Variants in CEP43 observed in about 807,000 individuals in gnomAD.
CEP43 encodes FGFR1 oncogene partner.
A neutral mutation model predicts 52.6 loss-of-function variants in CEP43; 36 were observed. The observed-to-expected ratio is 0.68, with a 90% CI of 0.52 to 0.90. The LOEUF is 0.90. Ranked by LOEUF, CEP43 falls within the 40% of genes least tolerant of loss-of-function variation. The pLI is 0.00. For missense variants in CEP43, 506 were observed against 472.8 expected (o/e 1.07, Z -0.65); for synonymous variants, 192 against 172.4 (o/e 1.11, Z -0.89).
chr6:167,026,677 G>A (rs1384835804), intron 10 of CEP43, 62 bp downstream of exon 10: 3 of 1,036,848 alleles, frequency 2.9e-6, no homozygotes, highest in Non-Finnish European at 1.5e-6. Context: ...GGGTAAGGCT[G>A]TAAAAGAAGT....
intron 7 of CEP43, among the ~76,000 whole-genome samples, chr6:167,016,958 AT>A (rs1780113503): frequency 6.6e-6 from 1 of 151,872 alleles, no homozygotes; most frequent in Middle Eastern, 3.4e-3. Flanking sequence ...GTTATAAAAA[AT>A]AATAATACAA....
rs185255545 is a variant in CEP43 at position 167,032,684 on chromosome 6, T to G, written c.1028+42T>G. 2.7e-6 allele frequency: 4 copies of G among 1,479,886 alleles called. No individual in the cohort carries two copies. The African/African-American group carries it at 5.6e-5, about 21-fold the overall frequency. 91.7% of individuals were successfully genotyped at this position (1,479,886 alleles called of 1,614,324 possible). A position where few individuals can be genotyped will look rare whatever the true frequency, so the allele number is the denominator to read the frequency against. On this transcript the variant is annotated intron_variant, in intron 11 of 12. Transcript: ENST00000366847. Reference sequence around the variant, plus strand: ...GGCAAATATATAAATATATACGTTATTTGTAAACAATTTCCGAACACAGAC... The same window carrying G: ...GGCAAATATATAAATATATACGTTAGTTGTAAACAATTTCCGAACACAGAC...
At chr6:167,022,135 G>A (rs1348934438) in intron 7 of CEP43, among the ~76,000 whole-genome samples, 1 of 151,980 alleles carries the variant, frequency 6.6e-6, no homozygotes, top group Non-Finnish European at 1.5e-5. Flanking sequence ...AAGAGGAAAG[G>A]AATGGTATTA....
intron 7 of CEP43, among the ~76,000 whole-genome samples, chr6:167,018,557 A>C (rs965983362): frequency 2.0e-5 from 3 of 152,014 alleles, no homozygotes; most frequent in Non-Finnish European, 2.9e-5. Flanking sequence ...CACCCAGCTA[A>C]TTTTTGTATT....
intron 7 of CEP43, among the ~76,000 whole-genome samples, chr6:167,020,562 C>A (rs1183105710): frequency 6.6e-6 from 1 of 152,118 alleles, no homozygotes; most frequent in Non-Finnish European, 1.5e-5. Context: ...AAATATGAAT[C>A]TAGTTCAATT....
chr6:167,019,056 C>A (rs971636440), intron 7 of CEP43, among the ~76,000 whole-genome samples: 1 of 152,204 alleles, frequency 6.6e-6, no homozygotes, highest in Admixed American at 6.5e-5. Context: ...TGAGCCACGG[C>A]TTCCAGTCAG....
At chr6:167,017,460 A>G (rs1780128826) in intron 7 of CEP43, among the ~76,000 whole-genome samples, 1 of 152,156 alleles carries the variant, frequency 6.6e-6, no homozygotes, top group Non-Finnish European at 1.5e-5. Flanking sequence ...GCATCCTCGG[A>G]CTTTGGTGTC....
chr6:167,019,154 G>C (rs1430951570), intron 7 of CEP43, among the ~76,000 whole-genome samples: 2 of 152,192 alleles, frequency 1.3e-5, no homozygotes, highest in African/African-American at 4.8e-5. Flanking sequence ...TGTTTATGAA[G>C]TGCCCGTTTT....
chr6:167,018,563 G>A lies in CEP43; in HGVS notation c.580-3846G>A, dbSNP rs149699848. On this transcript the variant is annotated intron_variant, in intron 7 of 12. Coordinates refer to ENST00000366847, the MANE Select transcript of CEP43 (RefSeq NM_007045.4). ...GTGCCACCACACCCAGCTAATTTTT[G>A]TATTTTTAGTAGAGACGGGGTTCCA... Among the ~76,000 whole-genome samples the A allele has an allele frequency of 6.8e-3, 1,034 of 152,218 alleles. 6 individuals carry two copies. Among genetic ancestry groups the A allele is most frequent in the Admixed American group, 0.011 (171 of 15,286 alleles).
intron 5 of CEP43, among the ~76,000 whole-genome samples, chr6:167,009,780 G>A (rs528807425): frequency 6.6e-6 from 1 of 151,952 alleles, no homozygotes; most frequent in East Asian, 1.9e-4. Context: ...AGATTGCAGT[G>A]AGCCGAGATC....
chr6:167,016,432 T>C (rs1272669182), intron 7 of CEP43, among the ~76,000 whole-genome samples: 4 of 152,152 alleles, frequency 2.6e-5, no homozygotes, highest in Non-Finnish European at 4.4e-5. Flanking sequence ...TTTTAAAAAA[T>C]GTTTTCATGT....
At chr6:167,015,704 GCTCA>G (rs1396258280) in intron 7 of CEP43, among the ~76,000 whole-genome samples, 1 of 152,094 alleles carries the variant, frequency 6.6e-6, no homozygotes, top group African/African-American at 2.4e-5. Context: ...AGTACTAGTG[GCTCA>G]CTCAGAGACC....
chr6:167,017,814 C>T (rs1253363940), intron 7 of CEP43, among the ~76,000 whole-genome samples: 4 of 152,140 alleles, frequency 2.6e-5, no homozygotes, highest in Non-Finnish European at 5.9e-5. Context: ...TAGTCTTGAG[C>T]TCCAGCCAAG....
At position 167,033,925 on chromosome 6, in the gene CEP43, A is replaced by T. The variant is rs751580169; in HGVS notation, c.1079A>T (p.Glu360Val). The change falls in exon 12 of 13, where the codon GAA (glutamate) becomes GTA (valine). Residue 360 changes from glutamate to valine, a missense_variant. Physicochemically the swap from Glu to Val is moderately radical, Grantham distance 121. Coordinates refer to ENST00000366847, the MANE Select transcript of CEP43 (RefSeq NM_007045.4). The part of the protein sequence containing the change: ...KSEISIGEEI[E>V]EDLSVEIDDI... ...GAGATAAGTATTGGTGAAGAGATAG[A>T]AGAAGACCTTTCTGTGGAAATAGAT... 3.1e-6 allele frequency: 5 copies of T among 1,603,114 alleles called. No homozygotes were observed. The highest frequency in any genetic ancestry group is 4.3e-6 in the Non-Finnish European group (5 of 1,172,554).
rs1380768938 is a variant in CEP43, at chr6:167,003,637, A to C, written c.212-86A>C. 4 of 750,280 alleles carry C rather than the reference A, an allele frequency of 5.3e-6. No homozygotes were observed. The Admixed American group carries it at 1.0e-4, about 19-fold the overall frequency. 46.5% of individuals were successfully genotyped at this position (750,280 alleles called of 1,614,324 possible). ...AAAATTTAGAAACCTTTCTTCCATT[A>C]ATTTAGTGTATCTATTTCATAATGT... is the stretch of plus-strand genomic sequence containing the variant. On this transcript the variant is annotated intron_variant, in intron 3 of 12. Transcript: ENST00000366847.
intron 7 of CEP43, among the ~76,000 whole-genome samples, chr6:167,018,486 G>C (rs561393747): frequency 6.6e-6 from 1 of 152,180 alleles, no homozygotes; most frequent in African/African-American, 2.4e-5. Context: ...CAACTTCCTG[G>C]TTCAAGCGAT....
rs778855080 is a variant in CEP43, at chr6:167,024,837, C to G, written c.862C>G (p.Pro288Ala). 1 of 1,612,776 alleles carries G rather than the reference C, an allele frequency of 6.2e-7. No homozygotes were observed. The highest frequency in any genetic ancestry group is 2.2e-5 in the East Asian group (1 of 44,884). Residue 288 changes from proline to alanine, a missense_variant, in exon 9 of 13, where the codon CCC (proline) becomes GCC (alanine). Transcript: ENST00000366847. ...TCTGGCCTCGCTCTCGGATGCACCC[C>G]CCTTAAAAAGTGGACTCAGCTCCCT... ...GSLASLSDAP[P>A]LKSGLSSLAG...
chr6:167,039,136 C>CT lies in CEP43; in HGVS notation c.1126-757dup, dbSNP rs1166780888. Among the ~76,000 whole-genome samples the CT allele has an allele frequency of 3.1e-3, 455 of 147,716 alleles. 3 individuals carry two copies. Among genetic ancestry groups the CT allele is most frequent in the African/African-American group, 8.9e-3 (359 of 40,558 alleles). On this transcript the variant is annotated intron_variant, in intron 12 of 12. Transcript: ENST00000366847. ...TGCTGCAAATTCCATTATTTTGTTA[C>CT]TTTTTTTTTTTGAGTCGGAGTCTCG... is the stretch of plus-strand genomic sequence containing the variant.
chr6:167,018,414 G>A (rs971129421), intron 7 of CEP43, among the ~76,000 whole-genome samples: 10 of 151,648 alleles, frequency 6.6e-5, no homozygotes, highest in African/African-American at 1.5e-4. Context: ...TTTTTGAGAC[G>A]GATTCTCGCT....
Sources: allele counts gnomAD v4.1 joint callset (sites outside exome capture counted in the v4.1 genomes callset), GRCh38; gene constraint gnomAD v4.1.1; transcripts MANE v1.5; gene names NCBI Gene and HGNC (gene_info 2026-07-23, HGNC 2026-07-21).